Variants in MMP26 observed in about 807,000 individuals in gnomAD.
MMP26 encodes the protein matrix metallopeptidase 26.
MMP26 carries 33 observed loss-of-function variants against 31.0 expected under a neutral mutation model. That is an observed-to-expected ratio of 1.06 (90% confidence interval 0.81 to 1.42). The LOEUF (loss-of-function observed/expected upper bound fraction) is 1.42, where lower values mean the gene tolerates loss of function less well. MMP26 is among the 40% of genes most tolerant of loss of function. MMP26 has a pLI of 0.00. For synonymous variants in MMP26, 122 were observed against 114.9 expected (o/e 1.06, Z -0.40); for missense variants, 347 against 316.1 (o/e 1.10, Z -0.74).
chr11:4,989,745 C>G lies in MMP26; in HGVS notation c.197C>G (p.Thr66Arg). The G allele has an allele frequency of 6.2e-7, 1 of 1,614,038 alleles. No homozygotes were observed. Among genetic ancestry groups the G allele is most frequent in the Non-Finnish European group, 8.5e-7 (1 of 1,180,018 alleles). ...QLLQQFHRNGTDLLDMQMHAL... is the reference protein window; with the variant it reads ...QLLQQFHRNGRDLLDMQMHAL... ...CTGCAACAATTCCATCGGAATGGGA[C>G]AGACCTACTTGACATGCAGATGCAT... The change falls in exon 4 of 8, where the codon ACA becomes AGA. Residue 66 changes from threonine (T) to arginine (R), a missense_variant. Transcript: ENST00000380390.
chr11:4,916,057 G>A (rs34645570), intron 2 of MMP26, among the ~76,000 whole-genome samples: 14,169 of 152,018 alleles, frequency 0.093, 849 homozygotes, highest in Middle Eastern at 0.2. Flanking sequence ...AGTGGCTCAC[G>A]CCTGTAATCT....
intron 2 of MMP26, among the ~76,000 whole-genome samples, chr11:4,789,530 CTTTTTTTTTTTTTTT>C (rs71050429): frequency 0.018 from 1,215 of 66,044 alleles, 47 homozygotes; most frequent in African/African-American, 0.061. Context: ...TATCCCCCCA[CTTTTTTTTTTTTTTT>C]TTTTTTTTTT....
At chr11:4,832,240 G>T in intron 2 of MMP26, 1 of 190,244 alleles carries the variant, frequency 5.3e-6, no homozygotes, top group Non-Finnish European at 1.1e-5. Context: ...TCTGCCTTAT[G>T]TACCTCATGG....
chr11:4,893,711 A>C (rs2133551451), intron 2 of MMP26, among the ~76,000 whole-genome samples: 1 of 152,312 alleles, frequency 6.6e-6, no homozygotes, highest in Admixed American at 6.5e-5. Context: ...TAGTTAAAAA[A>C]GAATGACTAA....
chr11:4,949,709 G>T lies in MMP26; in HGVS notation c.-144-38359G>T, dbSNP rs1359732984. On this transcript the variant is annotated intron_variant, in intron 2 of 7. Coordinates refer to ENST00000380390, the MANE Select transcript of MMP26 (RefSeq NM_021801.5). Reference sequence around the variant, plus strand: ...TGAAGAAAATAAACTGGTAAAATCAGAAATGAATAAAATAGAAATATGATA... The same window carrying T: ...TGAAGAAAATAAACTGGTAAAATCATAAATGAATAAAATAGAAATATGATA... Among the ~76,000 whole-genome samples the T allele has an allele frequency of 1.9e-4, 23 of 122,930 alleles. 5 individuals carry two copies. The highest frequency in any genetic ancestry group is 4.3e-4 in the Non-Finnish European group (23 of 54,110). The allele number at this position is 122,930 out of a possible 152,430, so 80.6% of individuals were successfully genotyped here.
chr11:4,944,862 C>T (rs936126271), intron 2 of MMP26: 3 of 151,796 alleles, frequency 2.0e-5, no homozygotes, highest in African/African-American at 7.3e-5. Flanking sequence ...TGTATCCTAC[C>T]TTGAAGAAAT....
intron 2 of MMP26, chr11:4,848,469 G>A (rs1317991811): frequency 6.2e-7 from 1 of 1,613,620 alleles, no homozygotes; most frequent in South Asian, 1.1e-5. Context: ...GGCAGCACAG[G>A]TTTGACCAGC....
chr11:4,982,760 T>A (rs1318455009), intron 2 of MMP26, among the ~76,000 whole-genome samples: 1 of 152,224 alleles, frequency 6.6e-6, no homozygotes. Context: ...CATTTCTTAC[T>A]TCACTCTCTG....
chr11:4,942,137 G>T (rs1846220136), intron 2 of MMP26, among the ~76,000 whole-genome samples: 2 of 110,900 alleles, frequency 1.8e-5, no homozygotes, highest in Non-Finnish European at 1.9e-5. Context: ...TCAGACTGCT[G>T]CCAAGAAGAA....
intron 1 of MMP26, among the ~76,000 whole-genome samples, chr11:4,726,205 G>A (rs1848097292): frequency 6.6e-6 from 1 of 152,142 alleles, no homozygotes; most frequent in African/African-American, 2.4e-5. Context: ...GGCCGGGCAT[G>A]GTGGCTCACA....
chr11:4,953,769 C>A (rs999721710), intron 2 of MMP26, among the ~76,000 whole-genome samples: 1 of 124,954 alleles, frequency 8.0e-6, no homozygotes, highest in African/African-American at 2.7e-5. Context: ...GTTCTTCCTT[C>A]GGCTTGGCGT....
chr11:4,970,944 G>A (rs569438779), intron 2 of MMP26, among the ~76,000 whole-genome samples: 3 of 152,182 alleles, frequency 2.0e-5, no homozygotes, highest in Non-Finnish European at 2.9e-5. Context: ...GGTGAAGGGA[G>A]TGAATAGACC....
intron 1 of MMP26, among the ~76,000 whole-genome samples, chr11:4,749,238 A>G (rs1848418299): frequency 6.6e-6 from 1 of 152,048 alleles, no homozygotes; most frequent in Admixed American, 6.6e-5. Context: ...GAGGAGGTGA[A>G]AGATCTCTTC....
intron 2 of MMP26, chr11:4,821,948 T>C (rs1849510853): frequency 6.2e-7 from 1 of 1,614,062 alleles, no homozygotes; most frequent in African/African-American, 1.3e-5. Context: ...TCTATGGTCC[T>C]TTCACATTCT....
At position 4,991,986 on chromosome 11, in the gene MMP26, A is replaced by C; in HGVS notation, c.618A>C (p.Ala206=). 6.2e-7 allele frequency: 1 copy of C among 1,606,426 alleles called. No homozygotes were observed. Among genetic ancestry groups the C allele is most frequent in the Non-Finnish European group, 8.5e-7 (1 of 1,178,142 alleles). The change falls in exon 7 of 8, where the codon GCA becomes GCC. Residue 206 remains alanine, a synonymous_variant. Transcript: ENST00000380390. ...SDTGYNLFLV[A]THEIGHSLGL... ...CAGGATATAATCTGTTCCTGGTTGC[A>C]ACTCATGAGATTGGGCATTCTTTGG...
chr11:4,724,916 G>T (rs1244142000), intron 1 of MMP26, among the ~76,000 whole-genome samples: 1 of 152,208 alleles, frequency 6.6e-6, no homozygotes. Flanking sequence ...CTGTGTTCCT[G>T]CCTAAATCTC....
rs568739786 is a variant in MMP26 at position 4,939,903 on chromosome 11, T to C, written c.-144-48165T>C. 2.6e-5 allele frequency among the ~76,000 whole-genome samples: 4 copies of C among 152,306 alleles called. 1 individual carries two copies. In the South Asian group the frequency reaches 8.3e-4, roughly 32 times the overall value. ...ACTTCTTAAGCCGTATACCTTGCTT[T>C]CTTTACTGTACTAGCTACAGCTAAA... On this transcript the variant is annotated intron_variant, in intron 2 of 7. Transcript: ENST00000380390.
In MMP26 at chr11:4,723,158, T is replaced by TC. The variant is rs1416312853; in HGVS notation, c.-217+18117dup. ...GGAGTTGGCATCCTTAATGGCCAGC[T>TC]CCCCACGCTGCTCGGCATCTGCGAT... On this transcript the variant is annotated intron_variant, in intron 1 of 7. Coordinates refer to ENST00000380390, the MANE Select transcript of MMP26 (RefSeq NM_021801.5). 48 of 1,599,268 alleles carry TC rather than the reference T, an allele frequency of 3.0e-5. 1 individual carries two copies. The South Asian group carries it at 4.7e-4, about 16-fold the overall frequency.
intron 2 of MMP26, among the ~76,000 whole-genome samples, chr11:4,836,825 A>G (rs1189476521): frequency 6.6e-6 from 1 of 150,726 alleles, no homozygotes; most frequent in Non-Finnish European, 1.5e-5. Context: ...ATGCCCAGCT[A>G]ATTTTTTTTT....
Sources: gnomAD v4.1 joint callset for allele counts (sites outside exome capture counted in the v4.1 genomes callset) on GRCh38, gnomAD v4.1.1 for gene constraint, MANE v1.5 for transcripts, NCBI Gene and HGNC (gene_info 2026-07-23, HGNC 2026-07-21) for gene names.